TADA2A: variants seen among roughly 807,000 people sequenced by gnomAD.
TADA2A encodes the protein transcriptional adapter 2-alpha.
A neutral mutation model predicts 67.4 loss-of-function variants in TADA2A; 38 were observed. That is an observed-to-expected ratio of 0.56 (90% CI 0.44 to 0.74). The LOEUF is 0.74. Among genes scored for constraint, TADA2A ranks in the 30% least tolerant of loss-of-function variants. The pLI, the probability that TADA2A is intolerant of heterozygous loss-of-function variation, is 0.00. For missense variants in TADA2A, 454 were observed against 547.0 expected, an observed-to-expected ratio of 0.83 and a Z score of 1.70; for synonymous variants, 192 against 181.6, an observed-to-expected ratio of 1.06 and a Z score of -0.46.
chr17:37,410,110 G>A (rs922232658), intron 1 of TADA2A, among the ~76,000 whole-genome samples: 1 of 152,034 alleles, frequency 6.6e-6, no homozygotes, highest in African/African-American at 2.4e-5. Context: ...AGAACCAAAT[G>A]GAGAATGAGA....
rs577929666 is a variant in TADA2A, at chr17:37,448,602, C to G, written c.604+3834C>G. 2.0e-5 allele frequency among the ~76,000 whole-genome samples: 3 copies of G among 152,282 alleles called. No homozygotes were observed. The East Asian group carries it at 5.8e-4, about 29-fold the overall frequency. ...TGCCATCTCTTTCCCCATCTCCTTTCATTTGTAAAAATTCTTCCTAAATTT... is the reference window on the plus strand; with the variant it reads ...TGCCATCTCTTTCCCCATCTCCTTTGATTTGTAAAAATTCTTCCTAAATTT... On this transcript the variant is annotated intron_variant, in intron 8 of 15. Transcript: ENST00000615182.
At chr17:37,430,703 GA>G (rs542257166) in intron 4 of TADA2A, among the ~76,000 whole-genome samples, 564 of 152,304 alleles carry the variant, frequency 3.7e-3, no homozygotes, top group Non-Finnish European at 6.4e-3. Context: ...TCCAGGAGTT[GA>G]ATAATATTAA....
intron 8 of TADA2A, chr17:37,454,929 C>G (rs907242716): frequency 3.9e-5 from 8 of 207,228 alleles, no homozygotes; most frequent in South Asian, 9.8e-5. Flanking sequence ...CGAGGTGGTT[C>G]AAAACACCAA....
At chr17:37,418,202 A>G (rs1451201833) in intron 2 of TADA2A, among the ~76,000 whole-genome samples, 1 of 152,242 alleles carries the variant, frequency 6.6e-6, no homozygotes, top group Non-Finnish European at 1.5e-5. Context: ...TTTGCTTTAT[A>G]TATAACATGG....
intron 4 of TADA2A, among the ~76,000 whole-genome samples, chr17:37,433,505 A>C (rs2052632108): frequency 6.6e-6 from 1 of 151,938 alleles, no homozygotes; most frequent in Non-Finnish European, 1.5e-5. Context: ...AGAAAAATTT[A>C]AAAATTAGGT....
At chr17:37,410,962 A>G (rs1359224269) in intron 1 of TADA2A, among the ~76,000 whole-genome samples, 1 of 152,206 alleles carries the variant, frequency 6.6e-6, no homozygotes, top group African/African-American at 2.4e-5. Flanking sequence ...TGCCACCCTC[A>G]GTGCCCCATA....
intron 7 of TADA2A, among the ~76,000 whole-genome samples, chr17:37,444,012 C>T (rs1403197974): frequency 2.0e-5 from 3 of 151,862 alleles, no homozygotes; most frequent in Non-Finnish European, 4.4e-5. Context: ...CTGAGGCAGG[C>T]GGATTGCTTG....
chr17:37,449,370 TAATAATTG>T (rs2053170845), intron 8 of TADA2A, among the ~76,000 whole-genome samples: 1 of 152,218 alleles, frequency 6.6e-6, no homozygotes, highest in Non-Finnish European at 1.5e-5. Flanking sequence ...ATACTATCAG[TAATAATTG>T]CTAATACATA....
At chr17:37,466,939 C>G (rs1404128236) in intron 11 of TADA2A, among the ~76,000 whole-genome samples, 4 of 152,086 alleles carry the variant, frequency 2.6e-5, no homozygotes, top group African/African-American at 9.7e-5. Context: ...GGTGGATCAC[C>G]TGAGGTCAGG....
chr17:37,407,675 C>T (rs2051643377), intron 1 of TADA2A, among the ~76,000 whole-genome samples: 2 of 151,806 alleles, frequency 1.3e-5, no homozygotes, highest in African/African-American at 2.4e-5. Context: ...TGCAGTGGCA[C>T]GATCGCGGCT....
At chr17:37,414,202 T>A (rs1388538698) in intron 2 of TADA2A, among the ~76,000 whole-genome samples, 2 of 152,166 alleles carry the variant, frequency 1.3e-5, no homozygotes, top group Non-Finnish European at 2.9e-5. Context: ...TTCACTTTTT[T>A]ACTTATTTTT....
intron 1 of TADA2A, among the ~76,000 whole-genome samples, chr17:37,410,558 G>A (rs139903657): frequency 1.5e-3 from 230 of 152,152 alleles, no homozygotes; most frequent in African/African-American, 5.2e-3. Context: ...ACAGAAACTC[G>A]TTCAGTCTTA....
chr17:37,477,590 G>A lies in TADA2A; in HGVS notation c.*608G>A, dbSNP rs376368023. ...AGTGATTCTCCTGCCTCAGCCTCCC[G>A]AATAGCTGGGACTACAGGTGTCCAC... On this transcript the variant is annotated 3_prime_UTR_variant, in exon 16 of 16. Coordinates refer to ENST00000615182, the MANE Select transcript of TADA2A (RefSeq NM_001166105.3). 8.0e-3 allele frequency: 1,206 copies of A among 150,916 alleles called. 6 individuals are homozygous for A. Among genetic ancestry groups the A allele is most frequent in the Non-Finnish European group, 0.011 (777 of 67,934 alleles). 9.3% of individuals were successfully genotyped at this position (150,916 alleles called of 1,614,324 possible). A position where few individuals can be genotyped will look rare whatever the true frequency, so the allele number is the denominator to read the frequency against.
At chr17:37,458,675 C>CT (rs892810230) in intron 9 of TADA2A, 88 bp downstream of exon 9, 29 of 698,546 alleles carry the variant, frequency 4.2e-5, no homozygotes, top group Non-Finnish European at 5.9e-5. Flanking sequence ...GTGTGTGTGT[C>CT]TGTGTCTGTG....
Position 37,411,281 on chromosome 17 carries a change from C to A in TADA2A, c.-85C>A. On this transcript the variant is annotated 5_prime_UTR_variant, in exon 2 of 16. Transcript: ENST00000615182. ...TGTTTGTTCCTAGGGAGTCATCAAGCTTTGGTGTATGTGTTGGCCGGTTCT... is the reference window on the plus strand; with the variant it reads ...TGTTTGTTCCTAGGGAGTCATCAAGATTTGGTGTATGTGTTGGCCGGTTCT... 1.5e-6 allele frequency: 2 copies of A among 1,315,358 alleles called. No individual in the cohort carries two copies. Among genetic ancestry groups the A allele is most frequent in the African/African-American group, 1.5e-5 (1 of 67,992 alleles). 81.5% of individuals were successfully genotyped at this position (1,315,358 alleles called of 1,614,324 possible).
intron 2 of TADA2A, among the ~76,000 whole-genome samples, chr17:37,417,241 G>A (rs896656556): frequency 9.2e-5 from 14 of 151,596 alleles, no homozygotes; most frequent in African/African-American, 2.9e-4. Flanking sequence ...TTAGCTGGGT[G>A]TGTTGGTGGG....
chr17:37,477,754 G>A lies in TADA2A; in HGVS notation c.*772G>A, dbSNP rs1033538962. On this transcript the variant is annotated 3_prime_UTR_variant, in exon 16 of 16. Coordinates refer to ENST00000615182, the MANE Select transcript of TADA2A (RefSeq NM_001166105.3). The stretch of plus-strand genomic sequence containing the variant: ...ACTAGGATTACAGGCGTGAGCCATC[G>A]CGCCCGGCCTAAGCTGACAACTTTT... 3.9e-5 allele frequency: 6 copies of A among 152,012 alleles called. No individual in the cohort carries two copies. The highest frequency in any genetic ancestry group is 2.6e-4 in the Admixed American group (4 of 15,264). The allele number at this position is 152,012 out of a possible 1,614,324, so 9.4% of individuals were successfully genotyped here.
intron 8 of TADA2A, among the ~76,000 whole-genome samples, chr17:37,456,302 A>G (rs1488017094): frequency 6.6e-6 from 1 of 152,252 alleles, no homozygotes; most frequent in Non-Finnish European, 1.5e-5. Flanking sequence ...CCACTGAAGA[A>G]TTATAAGCAA....
At chr17:37,444,602 G>GT in intron 7 of TADA2A, 94 bp from the exon 8 acceptor site, 2 of 1,053,126 alleles carry the variant, frequency 1.9e-6, no homozygotes, top group Non-Finnish European at 2.9e-6. Context: ...GTTTGCTTGT[G>GT]TTTTTTCTGT....
Sources: gnomAD v4.1 joint callset for allele counts (sites outside exome capture counted in the v4.1 genomes callset) on GRCh38, gnomAD v4.1.1 for gene constraint, MANE v1.5 for transcripts, NCBI Gene and HGNC (gene_info 2026-07-23, HGNC 2026-07-21) for gene names.